The following FASTKD3 variants were observed in gnomAD, a reference collection of about 807,000 sequenced individuals.
FASTKD3 encodes the protein FAST kinase domains 3.
A neutral mutation model predicts 49.7 loss-of-function variants in FASTKD3; 47 were observed. The observed-to-expected ratio is 0.95, with a 90% CI of 0.75 to 1.21. The LOEUF (loss-of-function observed/expected upper bound fraction) is 1.21, where lower values mean the gene tolerates loss of function less well. FASTKD3 is among the 50% of genes most tolerant of loss of function. FASTKD3 has a pLI of 0.00. For synonymous variants in FASTKD3, 284 were observed against 288.6 expected, an observed-to-expected ratio of 0.98 and a Z score of 0.16; for missense variants, 748 against 765.7, an observed-to-expected ratio of 0.98 and a Z score of 0.27.
chr5:7,868,618 C>T (rs915582237), intron 1 of FASTKD3, among the ~76,000 whole-genome samples: 1 of 152,106 alleles, frequency 6.6e-6, no homozygotes, highest in Non-Finnish European at 1.5e-5. Flanking sequence ...CTGTTGGTTT[C>T]CCCTCGGTGT....
At chr5:7,864,305 CATAA>C (rs1746775260) in intron 3 of FASTKD3, among the ~76,000 whole-genome samples, 2 of 151,894 alleles carry the variant, frequency 1.3e-5, no homozygotes, top group Admixed American at 6.6e-5. Context: ...AATTAGAATA[CATAA>C]ATAAAAATTC....
At position 7,867,959 on chromosome 5, in the gene FASTKD3, C is replaced by T. The variant is rs2126620304; in HGVS notation, c.125G>A (p.Cys42Tyr). The change falls in exon 2 of 7, where the codon TGC (cysteine) becomes TAC (tyrosine). Residue 42 changes from cysteine (C) to tyrosine (Y), a missense_variant. By Grantham distance (194) the Cys-to-Tyr change is radical (BLOSUM62 -2). Around this residue, in one of 3 missense-constraint regions of FASTKD3, gnomAD observed 564 missense variants for 562.8 expected, o/e 1.00. Transcript: ENST00000264669. The stretch of plus-strand genomic sequence containing the variant: ...AGGTTGTCGTGAACACAACCAAGGG[C>T]ACAGACGCTCCTTGACTACCTTGTG... ...HVHKVVKERLCPWLCSRQPEP... is the reference protein window; with the variant it reads ...HVHKVVKERLYPWLCSRQPEP... 1 of 1,614,092 alleles carries T rather than the reference C, an allele frequency of 6.2e-7. No homozygotes were observed. The highest frequency in any genetic ancestry group is 2.2e-5 in the East Asian group (1 of 44,880).
At chr5:7,861,070 CT>C in intron 6 of FASTKD3, 78 bp downstream of exon 6, 1 of 885,386 alleles carries the variant, frequency 1.1e-6, no homozygotes. Context: ...CCTCAGATTA[CT>C]TTTTAAAAGT....
chr5:7,867,570 G>T lies in FASTKD3; in HGVS notation c.514C>A (p.Gln172Lys). Reference protein sequence around the residue: ...LCFQFEKEPSQLSNTSLVTAL... With the variant: ...LCFQFEKEPSKLSNTSLVTAL... ...GTCACTAAACTAGTGTTTGACAGCT[G>T]TGAGGGCTCCTTTTCAAACTGAAAG... The change falls in exon 2 of 7, where the codon CAG becomes AAG. Residue 172 changes from glutamine (Q) to lysine (K), a missense_variant. Gln to Lys is a moderately conservative substitution (Grantham distance 53). Around this residue, in one of 3 missense-constraint regions of FASTKD3, gnomAD observed 564 missense variants for 562.8 expected, o/e 1.00. Transcript: ENST00000264669. The T allele has an allele frequency of 6.2e-7, 1 of 1,614,248 alleles. No individual in the cohort carries two copies. Among genetic ancestry groups the T allele is most frequent in the Non-Finnish European group, 8.5e-7 (1 of 1,180,044 alleles).
rs753058504 is a variant in FASTKD3 at position 7,867,406 on chromosome 5, A to G, written c.678T>C (p.Ile226=). 4 of 1,614,178 alleles carry G rather than the reference A, an allele frequency of 2.5e-6. No homozygotes were observed. The highest frequency in any genetic ancestry group is 3.4e-6 in the Non-Finnish European group (4 of 1,180,030). Reference sequence around the variant, plus strand: ...TCACACAACCTGAACTGTGCAGTGTAATCAGACTTTCCCCAAGAATACAAA... The same window carrying G: ...TCACACAACCTGAACTGTGCAGTGTGATCAGACTTTCCCCAAGAATACAAA... ...RNLCILGESL[I]TLHSSGCVTL... Residue 226 remains isoleucine (I), a synonymous_variant, in exon 2 of 7, where the codon ATT becomes ATC. Coordinates refer to ENST00000264669, the MANE Select transcript of FASTKD3 (RefSeq NM_024091.4).
chr5:7,861,750 T>G, intron 4 of FASTKD3, 98 bp from the exon 5 acceptor site: 1 of 1,504,294 alleles, frequency 6.6e-7, no homozygotes, highest in Non-Finnish European at 8.9e-7. Context: ...CCTTCCACCT[T>G]GCATTGATCA....
At position 7,869,018 on chromosome 5, in the gene FASTKD3, C is replaced by A; in HGVS notation, c.-153G>T. ...CAATCACTCCGGGTGGTCGCGGAAG[C>A]GCCTGGGCGTCGTGGGCCTCCGTAG... On this transcript the variant is annotated 5_prime_UTR_variant, in exon 1 of 7. Transcript: ENST00000264669. The A allele has an allele frequency of 8.0e-7, 1 of 1,256,470 alleles. No homozygotes were observed. The highest frequency in any genetic ancestry group is 1.2e-6 in the Non-Finnish European group (1 of 862,344). 77.8% of individuals were successfully genotyped at this position (1,256,470 alleles called of 1,614,324 possible).
At chr5:7,866,596 C>T (rs771763636) in intron 2 of FASTKD3, 50 bp downstream of exon 2, 2 of 1,358,212 alleles carry the variant, frequency 1.5e-6, no homozygotes, top group East Asian at 2.3e-5. Context: ...AAACCACTGC[C>T]AGTTCAAAGG....
chr5:7,866,001 C>A lies in FASTKD3; in HGVS notation c.1439-18G>T. ...TTCTTTACCTGAAACAGAAAGCATC[C>A]CAGTCATAGTTACGTCTGAATTGAG... On this transcript the variant is annotated intron_variant, in intron 2 of 6. Coordinates refer to ENST00000264669, the MANE Select transcript of FASTKD3 (RefSeq NM_024091.4). 1 of 1,597,978 alleles carries A rather than the reference C, an allele frequency of 6.3e-7. No homozygotes were observed. Among genetic ancestry groups the A allele is most frequent in the Non-Finnish European group, 8.6e-7 (1 of 1,167,056 alleles).
chr5:7,867,295 C>A lies in FASTKD3; in HGVS notation c.789G>T (p.Leu263Phe). The A allele has an allele frequency of 1.2e-6, 2 of 1,613,700 alleles. No individual in the cohort carries two copies. The highest frequency in any genetic ancestry group is 4.5e-5 in the East Asian group (2 of 44,888). ...PEDIVALYRI[L>F]QACTEKVDEH... ...CATCCACTTTTTCAGTACATGCCTG[C>A]AAGATTCTATAAAGGGCCACAATAT... Residue 263 changes from leucine (L) to phenylalanine (F), a missense_variant, in exon 2 of 7, where the codon TTG (leucine) becomes TTT (phenylalanine). Around this residue, in one of 3 missense-constraint regions of FASTKD3, gnomAD observed 564 missense variants for 562.8 expected, o/e 1.00. Coordinates refer to ENST00000264669, the MANE Select transcript of FASTKD3 (RefSeq NM_024091.4).
Position 7,859,532 on chromosome 5 carries a change from T to C in FASTKD3, c.1892A>G (p.Tyr631Cys), listed in dbSNP as rs1185433669. Residue 631 changes from tyrosine to cysteine, a missense_variant, in exon 7 of 7, where the codon TAT (tyrosine) becomes TGT (cysteine). Physicochemically the swap from Tyr to Cys is radical, Grantham distance 194. Around this residue, in one of 3 missense-constraint regions of FASTKD3, gnomAD observed 178 missense variants for 182.2 expected, o/e 0.98. Transcript: ENST00000264669. ...LLGYQVVQIP[Y>C]HEIGMLKSRR... is the part of the protein sequence containing the mutation. ...TGATTTTAGCATCCCAATCTCATGA[T>C]AGGGGATCTGTAAAGGTAGAAAAGT... The C allele has an allele frequency of 7.5e-6, 12 of 1,590,752 alleles. No homozygotes were observed. In the East Asian group the frequency reaches 1.4e-4, roughly 18 times the overall value.
In FASTKD3 at chr5:7,861,656, G is replaced by A; in HGVS notation, c.1700-4C>T. The A allele has an allele frequency of 6.2e-7, 1 of 1,607,532 alleles. No homozygotes were observed. On this transcript the variant is annotated splice_region_variant and splice_polypyrimidine_tract_variant and intron_variant, in intron 4 of 6. Transcript: ENST00000264669. ...TCATCTAATTTAATTTCAACATCTG[G>A]TGAGAGAAGAAAGGAAAAATTCCTC...
chr5:7,867,846 C>G lies in FASTKD3; in HGVS notation c.238G>C (p.Val80Leu). The G allele has an allele frequency of 6.2e-7, 1 of 1,614,194 alleles. No individual in the cohort carries two copies. The highest frequency in any genetic ancestry group is 8.5e-7 in the Non-Finnish European group (1 of 1,180,022). The change falls in exon 2 of 7, where the codon GTG (valine) becomes CTG (leucine). Residue 80 changes from valine to leucine, a missense_variant. Val to Leu is a conservative substitution (Grantham distance 32). Around this residue, in one of 3 missense-constraint regions of FASTKD3, gnomAD observed 564 missense variants for 562.8 expected, o/e 1.00. Coordinates refer to ENST00000264669, the MANE Select transcript of FASTKD3 (RefSeq NM_024091.4). ...TCGCAGTCAGATACTTGAGAGAACA[C>G]TGGTCCACCGAGTGGATGAAGGTCA... is the stretch of plus-strand genomic sequence containing the variant. ...GNDLHPLGGP[V>L]FSQVSDCDRL...
rs781291165 is a variant in FASTKD3 at position 7,867,610 on chromosome 5, G to T, written c.474C>A (p.Ile158=). The change falls in exon 2 of 7, where the codon ATC becomes ATA. Residue 158 remains isoleucine, a synonymous_variant. Coordinates refer to ENST00000264669, the MANE Select transcript of FASTKD3 (RefSeq NM_024091.4). ...GLPKEILENS[I]FQALCFQFEK... ...CAAACTGAAAGCATAAAGCTTGAAA[G>T]ATGCTATTCTCCAGTATTTCTTTTG... 2 of 1,614,114 alleles carry T rather than the reference G, an allele frequency of 1.2e-6. No individual in the cohort carries two copies. Among genetic ancestry groups the T allele is most frequent in the East Asian group, 2.2e-5 (1 of 44,902 alleles).
intron 5 of FASTKD3, 74 bp downstream of exon 5, chr5:7,861,509 C>A: frequency 4.5e-6 from 5 of 1,099,524 alleles, no homozygotes; most frequent in Non-Finnish European, 6.1e-6. Flanking sequence ...TTTTCACCTT[C>A]TTGAGAAAAA....
chr5:7,866,400 C>T (rs530566300), intron 2 of FASTKD3, among the ~76,000 whole-genome samples: 45 of 152,196 alleles, frequency 3.0e-4, no homozygotes, highest in African/African-American at 1.1e-3. Context: ...ACCATATCTC[C>T]TAAGAATGCT....
rs162030 is a variant in FASTKD3, at chr5:7,866,854, G to T, written c.1230C>A (p.Ala410=). 55 of 1,613,876 alleles carry T rather than the reference G, an allele frequency of 3.4e-5. No homozygotes were observed. Among genetic ancestry groups the T allele is most frequent in the Admixed American group, 2.2e-4 (13 of 59,996 alleles). The change falls in exon 2 of 7, where the codon GCC becomes GCA. Residue 410 remains alanine (A), a synonymous_variant. Transcript: ENST00000264669. ...TEKFSPRQIS[A]LMEPFGKLNY... ...TGAGTTTCCCAAATGGTTCCATTAA[G>T]GCAGAAATCTGACGAGGTGAAAATT...
At chr5:7,862,781 G>T (rs755380695) in intron 4 of FASTKD3, 42 bp downstream of exon 4, 1 of 1,527,554 alleles carries the variant, frequency 6.5e-7, no homozygotes, top group Non-Finnish European at 9.0e-7. Flanking sequence ...AATCGAACAG[G>T]ATGCTTAGGT....
chr5:7,867,945 A>G lies in FASTKD3; in HGVS notation c.139T>C (p.Ser47Pro), dbSNP rs1561115450. The part of the protein sequence containing the change: ...VKERLCPWLC[S>P]RQPEPFGVKF... Reference sequence around the variant, plus strand: ...ACCCCGAAAGGCTCAGGTTGTCGTGAACACAACCAAGGGCACAGACGCTCC... The same window carrying G: ...ACCCCGAAAGGCTCAGGTTGTCGTGGACACAACCAAGGGCACAGACGCTCC... The change falls in exon 2 of 7, where the codon TCA (serine) becomes CCA (proline). Residue 47 changes from serine to proline, a missense_variant. Around this residue, in one of 3 missense-constraint regions of FASTKD3, gnomAD observed 564 missense variants for 562.8 expected, o/e 1.00. Transcript: ENST00000264669. 6.2e-7 allele frequency: 1 copy of G among 1,614,196 alleles called. No homozygotes were observed. The highest frequency in any genetic ancestry group is 8.5e-7 in the Non-Finnish European group (1 of 1,180,042).
Sources: gnomAD v4.1 joint callset for allele counts (sites outside exome capture counted in the v4.1 genomes callset) on GRCh38, gnomAD v4.1.1 for gene constraint, gnomAD v4.1.1 regional missense constraint, MANE v1.5 for transcripts, NCBI Gene and HGNC (gene_info 2026-07-23, HGNC 2026-07-21) for gene names.